The following CA5B variants were observed in gnomAD, a reference collection of about 807,000 sequenced individuals.
CA5B encodes carbonic anhydrase 5B, mitochondrial.
A neutral mutation model predicts 23.1 loss-of-function variants in CA5B; 15 were observed. The ratio of observed to expected loss-of-function variants is 0.65; its 90% CI spans 0.43 to 1.00. CA5B has a LOEUF of 1.00. Among genes scored for constraint, CA5B ranks in the 50% least tolerant of loss-of-function variants. The pLI is 0.00. For missense variants in CA5B, 236 were observed against 252.2 expected (o/e 0.94, Z 0.43); for synonymous variants, 84 against 98.5 (o/e 0.85, Z 0.87).
At chrX:15,770,719 TTCTC>T (rs72381226) in intron 3 of CA5B, among the ~76,000 whole-genome samples, 3 of 93,363 alleles carry the variant, frequency 3.2e-5, no homozygotes, top group Admixed American at 2.6e-4. Flanking sequence ...GACAGTCTAT[TTCTC>T]TCTCTCTCTC....
chrX:15,767,193 C>T lies in CA5B; in HGVS notation c.340+2418C>T, dbSNP rs186716407. The T allele has an allele frequency of 3.7e-5, 14 of 374,763 alleles. No homozygotes were observed. The African/African-American group carries it at 3.9e-4, about 11-fold the overall frequency. The allele number at this position is 374,763 out of a possible 1,213,427, so 30.9% of individuals were successfully genotyped here. On this transcript the variant is annotated intron_variant, in intron 3 of 7. Coordinates refer to ENST00000318636, the MANE Select transcript of CA5B (RefSeq NM_007220.4). The stretch of plus-strand genomic sequence containing the variant: ...TAGGGCCCTAGCAGCCTGCTTTCTT[C>T]TGGGGATCCTTGGTATTGGTCAGCT...
chrX:15,770,246 G>C (rs930233464), intron 3 of CA5B, among the ~76,000 whole-genome samples: 2 of 110,714 alleles, frequency 1.8e-5, no homozygotes, highest in Non-Finnish European at 3.8e-5. Context: ...CCTGGGAGTT[G>C]GAGGTTGCAG....
At chrX:15,756,933 A>AAG (rs1424184817) in intron 2 of CA5B, among the ~76,000 whole-genome samples, 1 of 107,155 alleles carries the variant, frequency 9.3e-6, no homozygotes, top group Non-Finnish European at 1.9e-5. Flanking sequence ...GGGCACCTGT[A>AAG]AGTCCCAGCT....
chrX:15,749,311 AC>A (rs1198904695), intron 1 of CA5B, among the ~76,000 whole-genome samples: 1 of 111,882 alleles, frequency 8.9e-6, no homozygotes, highest in Non-Finnish European at 1.9e-5. Context: ...ATCTTCTGAG[AC>A]TTTGACTGTG....
intron 2 of CA5B, among the ~76,000 whole-genome samples, chrX:15,756,031 A>G (rs944553049): frequency 8.9e-6 from 1 of 111,961 alleles, no homozygotes; most frequent in Non-Finnish European, 1.9e-5. Flanking sequence ...GCACACAGGG[A>G]CAGTGCTACC....
At chrX:15,779,335 T>C (rs1931981527) in intron 7 of CA5B, among the ~76,000 whole-genome samples, 1 of 111,808 alleles carries the variant, frequency 8.9e-6, no homozygotes, top group South Asian at 3.7e-4. Flanking sequence ...CCATCTACTT[T>C]AGGGAGGGCC....
rs753663010 is a variant in CA5B at position 15,759,974 on chromosome X, G to C, written c.143-4604G>C. Among the ~76,000 whole-genome samples, 6 of 108,765 alleles carry C rather than the reference G, an allele frequency of 5.5e-5. No homozygotes were observed. In the East Asian group the frequency reaches 1.7e-3, roughly 31 times the overall value. The allele number at this position is 108,765 out of a possible 115,157, so 94.4% of individuals were successfully genotyped here. The stretch of plus-strand genomic sequence containing the variant: ...TCACCATGTTGGCCAGGCTGGTCTT[G>C]AACTCCTGACCTCAGGTGATCTGCC... On this transcript the variant is annotated intron_variant, in intron 2 of 7. Transcript: ENST00000318636.
chrX:15,773,284 G>C (rs1317433764), intron 4 of CA5B, among the ~76,000 whole-genome samples: 2 of 110,508 alleles, frequency 1.8e-5, no homozygotes, highest in Non-Finnish European at 3.8e-5. Context: ...TTGTGAGACA[G>C]GGTCTCACTC....
At chrX:15,750,944 A>G (rs1440448435) in intron 2 of CA5B, among the ~76,000 whole-genome samples, 1 of 111,785 alleles carries the variant, frequency 8.9e-6, no homozygotes, top group African/African-American at 3.3e-5. Context: ...GCCTCTGCCT[A>G]CTAGTTGCTA....
intron 2 of CA5B, among the ~76,000 whole-genome samples, chrX:15,762,589 G>A (rs1260061887): frequency 9.1e-6 from 1 of 109,868 alleles, no homozygotes; most frequent in African/African-American, 3.3e-5. Context: ...CTACAGGCGT[G>A]TGCCACCACA....
intron 2 of CA5B, among the ~76,000 whole-genome samples, chrX:15,754,305 G>A (rs1931447213): frequency 8.9e-6 from 1 of 112,845 alleles, no homozygotes; most frequent in Non-Finnish European, 1.9e-5. Flanking sequence ...GCTACTTCTA[G>A]TACTACAGTT....
chrX:15,769,399 C>T (rs930939304), intron 3 of CA5B: 2 of 629,745 alleles, frequency 3.2e-6, no homozygotes, highest in Non-Finnish European at 3.8e-6. Flanking sequence ...ATAAGAGAGT[C>T]GAAATACTGT....
chrX:15,773,538 T>G (rs1447622784), intron 4 of CA5B, among the ~76,000 whole-genome samples: 4 of 107,156 alleles, frequency 3.7e-5, no homozygotes, highest in Non-Finnish European at 7.7e-5. Context: ...GCCCCCCAAG[T>G]AGCTGGGACT....
intron 7 of CA5B, 24 bp from the exon 8 acceptor site, chrX:15,782,461 T>G: frequency 8.5e-7 from 1 of 1,180,411 alleles, no homozygotes; most frequent in African/African-American, 1.7e-5. Context: ...TGAAATTATT[T>G]ATGCTTTCTG....
chrX:15,738,563 C>G (rs868207903), intron 1 of CA5B, among the ~76,000 whole-genome samples: 1 of 111,107 alleles, frequency 9.0e-6, no homozygotes, highest in African/African-American at 3.3e-5. Flanking sequence ...CACCCCAGCC[C>G]TCTTCCTCCA....
intron 2 of CA5B, among the ~76,000 whole-genome samples, chrX:15,763,876 G>A (rs780115980): frequency 3.6e-5 from 4 of 112,109 alleles, no homozygotes; most frequent in African/African-American, 9.7e-5. Flanking sequence ...AAGTTCTGGC[G>A]TCCAAAGGCT....
At chrX:15,740,099 C>G (rs1931087610) in intron 1 of CA5B, among the ~76,000 whole-genome samples, 1 of 111,492 alleles carries the variant, frequency 9.0e-6, no homozygotes, top group Non-Finnish European at 1.9e-5. Flanking sequence ...ATCTTTGTTT[C>G]CACGCATTTC....
At chrX:15,762,189 G>C (rs1047486206) in intron 2 of CA5B, among the ~76,000 whole-genome samples, 2 of 108,588 alleles carry the variant, frequency 1.8e-5, no homozygotes, top group African/African-American at 6.7e-5. Flanking sequence ...AGAATTGCTT[G>C]AACCCAGGAG....
intron 1 of CA5B, among the ~76,000 whole-genome samples, chrX:15,746,578 A>G: frequency 8.9e-6 from 1 of 111,767 alleles, no homozygotes; most frequent in Non-Finnish European, 1.9e-5. Flanking sequence ...TTACCAAGAC[A>G]GGGGAATTGC....
Sources: allele counts gnomAD v4.1 joint callset (sites outside exome capture counted in the v4.1 genomes callset), GRCh38; gene constraint gnomAD v4.1.1; transcripts MANE v1.5; gene names NCBI Gene and HGNC (gene_info 2026-07-23, HGNC 2026-07-21).